PEAK1: variants seen among roughly 807,000 people sequenced by gnomAD.
PEAK1 encodes inactive tyrosine-protein kinase PEAK1.
Under a neutral mutation model 124.7 loss-of-function variants are expected in PEAK1, and 54 were observed. The observed-to-expected ratio is 0.43, with a 90% CI of 0.35 to 0.54. PEAK1 has a LOEUF of 0.54. Among genes scored for constraint, PEAK1 ranks in the 20% least tolerant of loss-of-function variants. The pLI is 0.01. For synonymous variants in PEAK1, 719 were observed against 760.0 expected (o/e 0.95, Z 0.89); for missense variants, 2,046 against 2,134.5 (o/e 0.96, Z 0.82).
intron 5 of PEAK1, chr15:77,278,507 G>A: frequency 2.0e-6 from 1 of 497,634 alleles, no homozygotes; most frequent in East Asian, 5.5e-5. Flanking sequence ...AGGAGATAAA[G>A]CCAAAGTGAG....
chr15:77,260,194 G>A lies in PEAK1; in HGVS notation c.-274-7668C>T, dbSNP rs183306270. On this transcript the variant is annotated intron_variant, in intron 5 of 9. Transcript: ENST00000682557. ...ACAAATCACTGAGTGAGGGGCCCTA[G>A]AATAAAGGCCACTCTAGATATGCCT... Among the ~76,000 whole-genome samples the A allele has an allele frequency of 5.9e-5, 9 of 152,210 alleles. No individual in the cohort carries two copies. The East Asian group carries it at 1.5e-3, about 26-fold the overall frequency.
At position 77,336,215 on chromosome 15, in the gene PEAK1, T is replaced by C. The variant is rs910347389; in HGVS notation, c.-603+28948A>G. On this transcript the variant is annotated intron_variant, in intron 2 of 9. Transcript: ENST00000682557. ...CTTCAGGGGCAGAGAATCAGCCTCATTCATGTTTGCATTCCAAGAACCACA... is the reference window on the plus strand; with the variant it reads ...CTTCAGGGGCAGAGAATCAGCCTCACTCATGTTTGCATTCCAAGAACCACA... 5.1e-6 allele frequency: 5 copies of C among 985,296 alleles called. No homozygotes were observed. The African/African-American group carries it at 8.7e-5, about 17-fold the overall frequency. The allele number at this position is 985,296 out of a possible 1,614,324, so 61.0% of individuals were successfully genotyped here.
chr15:77,114,688 A>G lies in PEAK1; in HGVS notation c.4709T>C (p.Ile1570Thr), dbSNP rs1566983021. ...KQKSHLVDPE[I>T]LRDQSRLAPE... Reference sequence around the variant, plus strand: ...GGCAAGGCGAGACTGGTCCCGGAGGATCTCGGGGTCCACCAGATGGCTCTT... The same window carrying G: ...GGCAAGGCGAGACTGGTCCCGGAGGGTCTCGGGGTCCACCAGATGGCTCTT... The change falls in exon 10 of 10, where the codon ATC becomes ACC. Residue 1570 changes from isoleucine (I) to threonine (T), a missense_variant. Coordinates refer to ENST00000682557, the MANE Select transcript of PEAK1 (RefSeq NM_001385026.1). The G allele has an allele frequency of 6.2e-7, 1 of 1,613,380 alleles. No individual in the cohort carries two copies.
chr15:77,220,939 T>TA (rs968859157), intron 6 of PEAK1, among the ~76,000 whole-genome samples: 110 of 152,210 alleles, frequency 7.2e-4, no homozygotes, highest in African/African-American at 2.5e-3. Context: ...CTAGTTTTGC[T>TA]AAAAACAATG....
chr15:77,335,353 C>T, intron 2 of PEAK1: 2 of 985,348 alleles, frequency 2.0e-6, no homozygotes, highest in African/African-American at 1.7e-5. Context: ...CAGTGTTTTT[C>T]CCATTCATCT....
intron 6 of PEAK1, among the ~76,000 whole-genome samples, chr15:77,189,001 GAC>G (rs1389983226): frequency 6.6e-5 from 10 of 152,066 alleles, no homozygotes; most frequent in Admixed American, 4.6e-4. Flanking sequence ...AGGAGTTTGA[GAC>G]CAGCCTGGCC....
chr15:77,297,481 T>G (rs958794615), intron 2 of PEAK1, among the ~76,000 whole-genome samples: 12 of 151,878 alleles, frequency 7.9e-5, no homozygotes, highest in African/African-American at 2.7e-4. Flanking sequence ...TCAATAGTAC[T>G]GGTCAAGCAG....
At chr15:77,420,624 T>TAAAA (rs10660461), upstream of PEAK1, 10,816 of 330,088 alleles carry the variant, frequency 0.033, 111 homozygotes, top group Middle Eastern at 0.04. Flanking sequence ...GCCTTCGCAA[T>TAAAA]AAAAAAAAAA....
At chr15:77,210,315 G>A (rs1385327032) in intron 6 of PEAK1, among the ~76,000 whole-genome samples, 2 of 152,100 alleles carry the variant, frequency 1.3e-5, no homozygotes, top group Non-Finnish European at 2.9e-5. Context: ...GTTTGTTCTT[G>A]CAGATCATAA....
chr15:77,303,570 G>T (rs2063902677), intron 2 of PEAK1, among the ~76,000 whole-genome samples: 1 of 152,186 alleles, frequency 6.6e-6, no homozygotes, highest in Non-Finnish European at 1.5e-5. Flanking sequence ...TGTCTCTTCA[G>T]ATCTTCTGCC....
chr15:77,309,329 T>C (rs369728734), intron 2 of PEAK1, among the ~76,000 whole-genome samples: 10 of 152,070 alleles, frequency 6.6e-5, no homozygotes, highest in Non-Finnish European at 7.4e-5. Context: ...ACTCTCCTAA[T>C]TGAAGCAAGT....
In PEAK1 at chr15:77,133,111, C is replaced by T. The variant is rs2053018398; in HGVS notation, c.3971G>A (p.Trp1324Ter). ...GTCACTGGTTAGCCTGAAGTCTGAC[C>T]AGCTGTCCACTCCAAAACGGAGCTG... ...KDQLRFGVDS[W>*]SDFRLTSDKP... The change falls in exon 9 of 10, where the codon TGG becomes TAG. Residue 1324 changes from tryptophan (W) to a stop codon, truncating the protein, a stop_gained. Coordinates refer to ENST00000682557, the MANE Select transcript of PEAK1 (RefSeq NM_001385026.1). LOFTEE classifies it high-confidence loss of function. This position sits in a 1 kb window ranked among gnomAD's most constrained non-coding sequence, Gnocchi z 4.2. 1 of 1,614,056 alleles carries T rather than the reference C, an allele frequency of 6.2e-7. No homozygotes were observed.
intron 2 of PEAK1, chr15:77,348,018 T>C (rs946206582): frequency 4.0e-5 from 39 of 985,190 alleles, no homozygotes; most frequent in Non-Finnish European, 4.5e-5. Context: ...AATGTTAAAA[T>C]TCCCAAACTA....
At chr15:77,383,133 C>T (rs1273130013) in intron 1 of PEAK1, among the ~76,000 whole-genome samples, 1 of 151,296 alleles carries the variant, frequency 6.6e-6, no homozygotes, top group Non-Finnish European at 1.5e-5. Context: ...AAGCAAGTCT[C>T]CTTTCTCAGC....
chr15:77,101,802 A>G (rs75975187), exon 7 of PEAK1: 1 of 152,088 alleles, frequency 6.6e-6, no homozygotes, highest in Admixed American at 6.6e-5. Flanking sequence ...ATTACCCACC[A>G]CCATGCTGAC....
intron 9 of PEAK1, among the ~76,000 whole-genome samples, chr15:77,130,194 C>T (rs67683937): frequency 0.092 from 13,994 of 152,200 alleles, 712 homozygotes; most frequent in Admixed American, 0.1. Context: ...TACTTCTCAA[C>T]TGTTTTGAAA....
chr15:77,176,889 T>C (rs753540783), intron 7 of PEAK1, among the ~76,000 whole-genome samples: 3 of 152,204 alleles, frequency 2.0e-5, no homozygotes, highest in African/African-American at 4.8e-5. Flanking sequence ...CTGTCTACCA[T>C]TCCCTCCTAT....
chr15:77,349,869 C>T (rs1011125460), intron 2 of PEAK1: 2 of 985,224 alleles, frequency 2.0e-6, no homozygotes, highest in African/African-American at 3.5e-5. Flanking sequence ...GAGGAGCCAA[C>T]TGAACAATAT....
chr15:77,293,671 A>G (rs537912632), intron 2 of PEAK1, among the ~76,000 whole-genome samples: 1 of 152,220 alleles, frequency 6.6e-6, no homozygotes, highest in Non-Finnish European at 1.5e-5. Context: ...TAAGAGAGAA[A>G]GTGCAAGAAT....
Sources: allele counts gnomAD v4.1 joint callset (sites outside exome capture counted in the v4.1 genomes callset), GRCh38; gene constraint gnomAD v4.1.1; non-coding constraint Gnocchi (gnomAD v3.1); transcripts MANE v1.5; gene names NCBI Gene and HGNC (gene_info 2026-07-23, HGNC 2026-07-21).